The following USH2A variants were observed in gnomAD, a reference collection of about 807,000 sequenced individuals.
USH2A encodes Usher syndrome 2A (autosomal recessive, mild).
A neutral mutation model predicts 538.9 loss-of-function variants in USH2A; 443 were observed. The observed-to-expected ratio is 0.82, with a 90% CI of 0.76 to 0.89. The LOEUF (loss-of-function observed/expected upper bound fraction) is 0.89, where lower values mean the gene tolerates loss of function less well. Among genes scored for constraint, USH2A ranks in the 40% least tolerant of loss-of-function variants. The pLI, the probability that USH2A is intolerant of heterozygous loss-of-function variation, is 0.00. For missense variants in USH2A, 6,633 were observed against 6,324.8 expected (o/e 1.05, Z -1.65); for synonymous variants, 2,413 against 2,273.5 (o/e 1.06, Z -1.75).
At chr1:216,030,069 A>G (rs1669065974) in intron 32 of USH2A, among the ~76,000 whole-genome samples, 1 of 146,750 alleles carries the variant, frequency 6.8e-6, no homozygotes, top group African/African-American at 2.5e-5. Flanking sequence ...TCACAGATAT[A>G]TAATATATGA....
intron 61 of USH2A, among the ~76,000 whole-genome samples, chr1:215,709,173 C>T (rs985124290): frequency 1.3e-5 from 2 of 152,130 alleles, no homozygotes; most frequent in African/African-American, 2.4e-5. Flanking sequence ...CATTCAGCAT[C>T]ATTAATGATT....
chr1:216,184,080 A>T (rs1408987480), intron 20 of USH2A, among the ~76,000 whole-genome samples: 1 of 152,024 alleles, frequency 6.6e-6, no homozygotes, highest in East Asian at 1.9e-4. Context: ...TTGGTGGGAC[A>T]AGTTTTGCAC....
chr1:216,300,077 T>C (rs1558373754), intron 9 of USH2A, among the ~76,000 whole-genome samples: 1 of 152,220 alleles, frequency 6.6e-6, no homozygotes, highest in African/African-American at 2.4e-5. Context: ...AATTGGTTCT[T>C]AACAACTCGT....
intron 61 of USH2A, among the ~76,000 whole-genome samples, chr1:215,683,929 T>C (rs1452514590): frequency 6.6e-6 from 1 of 152,210 alleles, no homozygotes; most frequent in Non-Finnish European, 1.5e-5. Flanking sequence ...TCTTTGTTCA[T>C]TCTATGTCCA....
intron 55 of USH2A, among the ~76,000 whole-genome samples, chr1:215,773,213 A>C (rs1661343166): frequency 6.6e-6 from 1 of 152,028 alleles, no homozygotes; most frequent in Non-Finnish European, 1.5e-5. Flanking sequence ...GGAACTAAGG[A>C]CTGTACATGT....
intron 4 of USH2A, among the ~76,000 whole-genome samples, chr1:216,329,065 G>C (rs2037795100): frequency 6.6e-6 from 1 of 152,108 alleles, no homozygotes; most frequent in Non-Finnish European, 1.5e-5. Flanking sequence ...CTCCTGCTCT[G>C]ACTTTCCCGT....
Position 215,925,306 on chromosome 1 carries a change from A to T in USH2A, c.7300+9310T>A, listed in dbSNP as rs76869406. On this transcript the variant is annotated intron_variant, in intron 38 of 71. Coordinates refer to ENST00000307340, the MANE Select transcript of USH2A (RefSeq NM_206933.4). ...TTAAATGGCCTGGTATGTGTTTTTG[A>T]AAGCACACTATTTATTTTATTAAGA... Among the ~76,000 whole-genome samples, 3 of 152,276 alleles carry T rather than the reference A, an allele frequency of 2.0e-5. No individual in the cohort carries two copies. In the East Asian group the frequency reaches 5.8e-4, roughly 29 times the overall value.
At chr1:216,014,416 C>T (rs994991664) in intron 32 of USH2A, among the ~76,000 whole-genome samples, 4 of 152,192 alleles carry the variant, frequency 2.6e-5, no homozygotes, top group Admixed American at 2.6e-4. Flanking sequence ...AAAGTAATGA[C>T]AACTCTCCTC....
intron 61 of USH2A, among the ~76,000 whole-genome samples, chr1:215,726,645 C>T (rs1659826664): frequency 2.0e-5 from 3 of 152,032 alleles, no homozygotes; most frequent in Admixed American, 2.0e-4. Context: ...TTTATAAATG[C>T]TTTAGTTTGT....
intron 10 of USH2A, 53 bp from the exon 11 acceptor site, chr1:216,289,463 G>C: frequency 1.2e-6 from 2 of 1,610,524 alleles, no homozygotes. Context: ...AAAATCAGCT[G>C]CATAATTCAA....
chr1:216,159,096 T>C (rs1006137903), intron 21 of USH2A, among the ~76,000 whole-genome samples: 2 of 152,174 alleles, frequency 1.3e-5, no homozygotes, highest in Admixed American at 1.3e-4. Context: ...CTGAATAGTT[T>C]ATATATTATT....
At chr1:215,759,573 A>G in intron 57 of USH2A, 87 bp downstream of exon 57, 3 of 1,532,410 alleles carry the variant, frequency 2.0e-6, no homozygotes, top group Non-Finnish European at 2.7e-6. Context: ...ACAATTTAAC[A>G]ACTTTCAGTG....
At chr1:215,771,067 C>A (rs796306742) in intron 55 of USH2A, among the ~76,000 whole-genome samples, 5 of 149,782 alleles carry the variant, frequency 3.3e-5, no homozygotes, top group African/African-American at 1.2e-4. Flanking sequence ...GCAGAGGTTG[C>A]AGTGAGCTGA....
At chr1:215,719,530 G>A (rs1470484988) in intron 61 of USH2A, among the ~76,000 whole-genome samples, 1 of 152,156 alleles carries the variant, frequency 6.6e-6, no homozygotes, top group Non-Finnish European at 1.5e-5. Context: ...CACTTAAAAT[G>A]TATAAAACAT....
chr1:215,891,255 C>G (rs369444941), intron 40 of USH2A, among the ~76,000 whole-genome samples: 2 of 152,224 alleles, frequency 1.3e-5, no homozygotes, highest in South Asian at 4.1e-4. Context: ...CCCTTAAAAG[C>G]CAGCATACAT....
Position 216,078,248 on chromosome 1 carries a change from T to C in USH2A, c.5413A>G (p.Ile1805Val). The C allele has an allele frequency of 6.2e-7, 1 of 1,613,888 alleles. No homozygotes were observed. ...GATATGAAAGAGCCTTCCTTTTTAA[T>C]AATGACTTTATTCCACTTTCCATTA... Reference protein sequence around the residue: ...YCNGKWNKVIIKKEGSFISAS... With the variant: ...YCNGKWNKVIVKKEGSFISAS... Residue 1805 changes from isoleucine to valine, a missense_variant, in exon 27 of 72, where the codon ATT (isoleucine) becomes GTT (valine). Coordinates refer to ENST00000307340, the MANE Select transcript of USH2A (RefSeq NM_206933.4).
At chr1:215,819,795 C>G (rs1662961592) in intron 47 of USH2A, among the ~76,000 whole-genome samples, 1 of 151,708 alleles carries the variant, frequency 6.6e-6, no homozygotes. Flanking sequence ...AGAACATGAA[C>G]AGTTTGCTTT....
rs397517974 is a variant in USH2A at position 216,325,304 on chromosome 1, C to T, written c.1143+1G>A. ...ATGTACACCTTATCGTTTCTCATTA[C>T]CTGATACTGTCCATTTTCCAAATCA... On this transcript the variant is annotated splice_donor_variant, in intron 6 of 71. Transcript: ENST00000307340. LOFTEE classifies it high-confidence loss of function. 1.9e-6 allele frequency: 3 copies of T among 1,613,560 alleles called. No individual in the cohort carries two copies. Among genetic ancestry groups the T allele is most frequent in the Non-Finnish European group, 1.7e-6 (2 of 1,179,782 alleles).
At chr1:216,072,693 G>A in intron 29 of USH2A, 196 bp downstream of exon 29, 1 of 623,072 alleles carries the variant, frequency 1.6e-6, no homozygotes. Flanking sequence ...AGTATTTAGT[G>A]AATTCTTGGT....
Sources: gnomAD v4.1 joint callset for allele counts (sites outside exome capture counted in the v4.1 genomes callset) on GRCh38, gnomAD v4.1.1 for gene constraint, MANE v1.5 for transcripts, NCBI Gene and HGNC (gene_info 2026-07-23, HGNC 2026-07-21) for gene names.